Variants in F11 observed in about 807,000 individuals in gnomAD.
The protein encoded by F11 is coagualtion factor XI.
Under a neutral mutation model 76.5 loss-of-function variants are expected in F11, and 78 were observed. That is an observed-to-expected ratio of 1.02 (90% CI 0.85 to 1.23). F11 has a LOEUF of 1.23. Ranked by LOEUF, F11 falls within the 50% of genes most tolerant of loss-of-function variation. The probability of loss-of-function intolerance (pLI) is 0.00; values close to 1 mark genes in which losing one functional copy is unlikely to be tolerated. For missense variants in F11, 742 were observed against 771.4 expected (o/e 0.96, Z 0.45); for synonymous variants, 278 against 276.3 (o/e 1.01, Z -0.06).
intron 2 of F11, 78 bp downstream of exon 2, chr4:186,267,269 ACAC>A: frequency 4.4e-6 from 4 of 915,496 alleles, no homozygotes; most frequent in Non-Finnish European, 7.4e-6. Flanking sequence ...GGAGAATCCC[ACAC>A]CATTTATGCC....
At chr4:186,267,573 G>A (rs755022497) in intron 2 of F11, among the ~76,000 whole-genome samples, 1 of 152,164 alleles carries the variant, frequency 6.6e-6, no homozygotes, top group Non-Finnish European at 1.5e-5. Flanking sequence ...ACTGAAAAAT[G>A]TTATGTAACT....
intron 2 of F11, among the ~76,000 whole-genome samples, 159 bp downstream of exon 2, chr4:186,267,350 G>A (rs1258324420): frequency 6.6e-6 from 1 of 152,134 alleles, no homozygotes; most frequent in Non-Finnish European, 1.5e-5. Flanking sequence ...AGCAGGGTAG[G>A]AATTGAGGTG....
chr4:186,283,729 T>G (rs926063357), intron 10 of F11, among the ~76,000 whole-genome samples: 3 of 152,204 alleles, frequency 2.0e-5, no homozygotes, highest in African/African-American at 7.2e-5. Context: ...GATCTGAGGT[T>G]GGGCTGAAGA....
Position 186,280,480 on chromosome 4 carries a change from G to C in F11, c.1035G>C (p.Lys345Asn). Residue 345 changes from lysine (K) to asparagine (N), a missense_variant, in exon 10 of 15, where the codon AAG becomes AAC. Coordinates refer to ENST00000403665, the MANE Select transcript of F11 (RefSeq NM_000128.4). ...GTTTTGTTTCCAACTGCAGGGGCAA[G>C]TGTTACTTAAAGCTTTCTTCAAACG... ...AQASCNEGKG[K>N]CYLKLSSNGS... The C allele has an allele frequency of 6.2e-7, 1 of 1,614,190 alleles. No individual in the cohort carries two copies. Among genetic ancestry groups the C allele is most frequent in the Non-Finnish European group, 8.5e-7 (1 of 1,180,030 alleles).
chr4:186,280,856 C>CTTTTTT (rs33985758), intron 10 of F11, among the ~76,000 whole-genome samples: 10 of 108,174 alleles, frequency 9.2e-5, no homozygotes, highest in South Asian at 3.2e-4. Context: ...TTCTTTCTTT[C>CTTTTTT]TTTTTTTTTT....
chr4:186,267,136 G>T lies in F11; in HGVS notation c.-1G>T. On this transcript the variant is annotated splice_region_variant and 5_prime_UTR_variant, in exon 2 of 15. Coordinates refer to ENST00000403665, the MANE Select transcript of F11 (RefSeq NM_000128.4). ...AGCATGCACCTTTTTCTCATTGTAGGATGATTTTCTTATATCAAGTGGTAC... is the reference window on the plus strand; with the variant it reads ...AGCATGCACCTTTTTCTCATTGTAGTATGATTTTCTTATATCAAGTGGTAC... 1 of 1,564,110 alleles carries T rather than the reference G, an allele frequency of 6.4e-7. No individual in the cohort carries two copies. The highest frequency in any genetic ancestry group is 8.8e-7 in the Non-Finnish European group (1 of 1,134,554).
chr4:186,273,956 T>C (rs559800930), intron 4 of F11, among the ~76,000 whole-genome samples, 160 bp from the exon 5 acceptor site: 1 of 152,198 alleles, frequency 6.6e-6, no homozygotes, highest in African/African-American at 2.4e-5. Context: ...ATTCTTTTAC[T>C]GCTTCCATTC....
At chr4:186,285,043 G>T (rs1249711348) in intron 11 of F11, among the ~76,000 whole-genome samples, 1 of 152,104 alleles carries the variant, frequency 6.6e-6, no homozygotes, top group Non-Finnish European at 1.5e-5. Flanking sequence ...AAACAAAAAG[G>T]CTCCAGCTGG....
At position 186,284,195 on chromosome 4, in the gene F11, A is replaced by C. The variant is rs779310675; in HGVS notation, c.1239A>C (p.Arg413Ser). The change falls in exon 11 of 15, where the codon AGA (arginine) becomes AGC (serine). Residue 413 changes from arginine (R) to serine (S), a missense_variant. Coordinates refer to ENST00000403665, the MANE Select transcript of F11 (RefSeq NM_000128.4). ...TGCACACAACCTCACCCACTCAGAG[A>C]CACCTGTGTGGAGGCTCCATCATTG... ...VTLHTTSPTQRHLCGGSIIGN... is the reference protein window; with the variant it reads ...VTLHTTSPTQSHLCGGSIIGN... 1 of 1,614,108 alleles carries C rather than the reference A, an allele frequency of 6.2e-7. No homozygotes were observed. Among genetic ancestry groups the C allele is most frequent in the Non-Finnish European group, 8.5e-7 (1 of 1,180,054 alleles).
At chr4:186,285,218 C>CTCAAGAACACTCATGTTAAACT (rs1741097572) in intron 11 of F11, among the ~76,000 whole-genome samples, 1 of 152,136 alleles carries the variant, frequency 6.6e-6, no homozygotes, top group South Asian at 2.1e-4. Flanking sequence ...ACATGTGAGG[C>CTCAAGAACACTCATGTTAAACT]CAAGAGTTCC....
At chr4:186,279,280 G>A (rs913367466) in intron 7 of F11, among the ~76,000 whole-genome samples, 1 of 152,086 alleles carries the variant, frequency 6.6e-6, no homozygotes, top group Non-Finnish European at 1.5e-5. Context: ...TACTCAAGAG[G>A]CTGAGGCAGG....
At position 186,274,255 on chromosome 4, in the gene F11, G is replaced by A. The variant is rs374604303; in HGVS notation, c.465G>A (p.Gln155=). The part of the protein sequence containing the change: ...HCHFFTYATR[Q]FPSLEHRNIC... ...ACTTTTTCACGTACGCCACAAGGCAGTTTCCCAGCCTGGAGCATCGGTGAG... is the reference window on the plus strand; with the variant it reads ...ACTTTTTCACGTACGCCACAAGGCAATTTCCCAGCCTGGAGCATCGGTGAG... The change falls in exon 5 of 15, where the codon CAG becomes CAA. Residue 155 remains glutamine (Q), a synonymous_variant. Coordinates refer to ENST00000403665, the MANE Select transcript of F11 (RefSeq NM_000128.4). The A allele has an allele frequency of 1.9e-5, 31 of 1,614,220 alleles. No homozygotes were observed. The African/African-American group carries it at 4.0e-4, about 21-fold the overall frequency.
chr4:186,274,123 CA>C lies in F11; in HGVS notation c.336del (p.Asp113ThrfsTer6). ...QCSHQISACN[K>X]DIYVDLDMKG... ...TTCTGCTTTTATTTCCAGCTTGCAA[CA>C]AAGACATTTATGTGGACCTAGACAT... On this transcript the variant is annotated frameshift_variant, in exon 5 of 15. Coordinates refer to ENST00000403665, the MANE Select transcript of F11 (RefSeq NM_000128.4). LOFTEE classifies it high-confidence loss of function. 6.2e-7 allele frequency: 1 copy of C among 1,614,080 alleles called. No individual in the cohort carries two copies. The highest frequency in any genetic ancestry group is 8.5e-7 in the Non-Finnish European group (1 of 1,180,000).
intron 1 of F11, among the ~76,000 whole-genome samples, 194 bp downstream of exon 1, chr4:186,266,489 A>G (rs1739506453): frequency 6.6e-6 from 1 of 152,252 alleles, no homozygotes; most frequent in Non-Finnish European, 1.5e-5. Context: ...GAACAACAGA[A>G]GAGTAACAGT....
chr4:186,283,764 G>A (rs950026752), intron 10 of F11, among the ~76,000 whole-genome samples: 4 of 152,204 alleles, frequency 2.6e-5, no homozygotes, highest in Admixed American at 2.6e-4. Context: ...CACGTTCCCA[G>A]GTGACGCTGT....
chr4:186,278,058 C>T (rs1026433176), intron 7 of F11, among the ~76,000 whole-genome samples: 2 of 152,218 alleles, frequency 1.3e-5, no homozygotes, highest in African/African-American at 4.8e-5. Context: ...CTTGGTCTCC[C>T]ACAGTGCAGG....
intron 5 of F11, chr4:186,274,651 A>G (rs1740236357): frequency 3.5e-6 from 1 of 289,732 alleles, no homozygotes; most frequent in Non-Finnish European, 6.7e-6. Context: ...CTCTCTCTAA[A>G]TAACAGTTCC....
intron 2 of F11, among the ~76,000 whole-genome samples, chr4:186,270,649 GCACACA>G (rs10535096): frequency 6.6e-5 from 10 of 150,448 alleles, no homozygotes; most frequent in African/African-American, 2.0e-4. Context: ...AGTGCATGAT[GCACACA>G]CACACACACA....
At chr4:186,279,819 C>T (rs1740652919) in intron 7 of F11, among the ~76,000 whole-genome samples, 193 bp from the exon 8 acceptor site, 1 of 152,142 alleles carries the variant, frequency 6.6e-6, no homozygotes, top group South Asian at 2.1e-4. Context: ...AATTTGTCTG[C>T]AACCTAAGGG....
Sources: allele counts gnomAD v4.1 joint callset (sites outside exome capture counted in the v4.1 genomes callset), GRCh38; gene constraint gnomAD v4.1.1; transcripts MANE v1.5; gene names NCBI Gene and HGNC (gene_info 2026-07-23, HGNC 2026-07-21).